Variants in PHEX observed in about 807,000 individuals in gnomAD.
PHEX encodes phosphate regulating endopeptidase X-linked.
PHEX carries 16 observed loss-of-function variants against 68.0 expected under a neutral mutation model. That is an observed-to-expected ratio of 0.24 (90% CI 0.16 to 0.36). The LOEUF (loss-of-function observed/expected upper bound fraction) is 0.36, where lower values mean the gene tolerates loss of function less well. Among genes scored for constraint, PHEX ranks in the 10% least tolerant of loss-of-function variants. The pLI, the probability that PHEX is intolerant of heterozygous loss-of-function variation, is 1.00. For synonymous variants in PHEX, 208 were observed against 205.1 expected (o/e 1.01, Z -0.12); for missense variants, 480 against 575.5 (o/e 0.83, Z 1.70).
intron 11 of PHEX, among the ~76,000 whole-genome samples, chrX:22,128,934 A>G (rs1229080849): frequency 9.1e-6 from 1 of 109,519 alleles, no homozygotes; most frequent in African/African-American, 3.3e-5. Context: ...TGCATATATA[A>G]CTATCATAAG....
intron 18 of PHEX, among the ~76,000 whole-genome samples, chrX:22,224,536 A>G (rs1434550176): frequency 9.0e-6 from 1 of 111,375 alleles, no homozygotes; most frequent in Non-Finnish European, 1.9e-5. Context: ...GGTTGATCTG[A>G]GCTGTTAGCA....
At chrX:22,034,050 T>C (rs1161615069) in intron 1 of PHEX, among the ~76,000 whole-genome samples, 1 of 112,101 alleles carries the variant, frequency 8.9e-6, no homozygotes, top group Non-Finnish European at 1.9e-5. Flanking sequence ...TGAAAACTGC[T>C]AAAATGAGCA....
intron 11 of PHEX, among the ~76,000 whole-genome samples, chrX:22,122,179 G>A (rs187231455): frequency 3.6e-5 from 4 of 111,359 alleles, no homozygotes; most frequent in African/African-American, 9.8e-5. Flanking sequence ...GGAGTTTTTC[G>A]TTCCTTGCAA....
At chrX:22,213,595 C>T (rs1602396397) in intron 16 of PHEX, among the ~76,000 whole-genome samples, 1 of 111,901 alleles carries the variant, frequency 8.9e-6, no homozygotes, top group Admixed American at 9.5e-5. Flanking sequence ...TTAATACCAA[C>T]AGATTGTAGA....
At chrX:22,194,858 A>T (rs758914976) in intron 15 of PHEX, among the ~76,000 whole-genome samples, 29 of 112,437 alleles carry the variant, frequency 2.6e-4, no homozygotes, top group Middle Eastern at 4.6e-3. Context: ...TAATGATTTA[A>T]ATCTGCTGTA....
At chrX:22,223,538 A>G (rs1352141193) in intron 18 of PHEX, among the ~76,000 whole-genome samples, 6 of 111,827 alleles carry the variant, frequency 5.4e-5, no homozygotes, top group Non-Finnish European at 1.1e-4. Context: ...TGAACCTAGG[A>G]TTTTGATACC....
chrX:22,105,817 A>G (rs1930658196), intron 9 of PHEX, among the ~76,000 whole-genome samples: 1 of 112,139 alleles, frequency 8.9e-6, no homozygotes, highest in African/African-American at 3.2e-5. Flanking sequence ...AGCTGCCACT[A>G]CAATTTGAGT....
rs747897016 is a variant in PHEX at position 22,212,074 on chromosome X, C to A, written c.1646-830C>A. ...CCCTTTCTCTGTCCTTTTCTGTCAT[C>A]GTTTTCAGTGTAGGTGTTTGGCCAA... On this transcript the variant is annotated intron_variant, in intron 15 of 21. Coordinates refer to ENST00000379374, the MANE Select transcript of PHEX (RefSeq NM_000444.6). Among the ~76,000 whole-genome samples, 37 of 111,598 alleles carry A rather than the reference C, an allele frequency of 3.3e-4. 1 individual carries two copies. Among genetic ancestry groups the A allele is most frequent in the African/African-American group, 1.2e-3 (36 of 30,707 alleles).
intron 1 of PHEX, 78 bp downstream of exon 1, chrX:22,033,201 TC>T: frequency 2.8e-6 from 2 of 711,383 alleles, no homozygotes; most frequent in South Asian, 4.2e-5. Context: ...GCAAAACTTG[TC>T]ATAACACAGG....
At chrX:22,040,404 G>T (rs1927219318) in intron 2 of PHEX, among the ~76,000 whole-genome samples, 1 of 111,947 alleles carries the variant, frequency 8.9e-6, no homozygotes, top group Non-Finnish European at 1.9e-5. Context: ...CCACATGGGA[G>T]GCTGAGGCTT....
In PHEX at chrX:22,118,339, CAA is replaced by C. The variant is rs1157170753; in HGVS notation, c.1302+3778_1302+3779del. 8.3e-3 allele frequency among the ~76,000 whole-genome samples: 175 copies of C among 21,077 alleles called. 13 individuals carry two copies. Among genetic ancestry groups the C allele is most frequent in the African/African-American group, 0.027 (157 of 5,826 alleles). The allele number at this position is 21,077 out of a possible 115,157, so 18.3% of individuals were successfully genotyped here. A position where few individuals can be genotyped will look rare whatever the true frequency, so the allele number is the denominator to read the frequency against. Reference sequence around the variant, plus strand: ...TGATTCATTTGTTTGTAAACAGCACCAAAAAAAAAAAAAAAAAAAAAAAAAAG... The same window carrying C: ...TGATTCATTTGTTTGTAAACAGCACCAAAAAAAAAAAAAAAAAAAAAAAAG... On this transcript the variant is annotated intron_variant, in intron 11 of 21. Transcript: ENST00000379374.
intron 2 of PHEX, among the ~76,000 whole-genome samples, chrX:22,041,265 C>CTATATATATATATA (rs556410356): frequency 1.4e-5 from 1 of 72,815 alleles, no homozygotes; most frequent in African/African-American, 6.3e-5. Flanking sequence ...CTCTCTCTCT[C>CTATATATATATATA]TATATATATA....
intron 15 of PHEX, 31 bp from the exon 16 acceptor site, chrX:22,212,873 T>C (rs1420609483): frequency 7.2e-6 from 8 of 1,117,959 alleles, no homozygotes; most frequent in Non-Finnish European, 8.6e-6. Context: ...TCAATCTCTC[T>C]ATATCTCTTA....
chrX:22,182,592 T>TTGTGTGTGTG (rs9331474), intron 14 of PHEX, among the ~76,000 whole-genome samples: 1,041 of 102,984 alleles, frequency 0.01, 14 homozygotes, highest in African/African-American at 0.035. Context: ...TGAAGATGCT[T>TTGTGTGTGTG]TGTGTGTGTG....
At chrX:22,145,517 A>G (rs1932655910) in intron 12 of PHEX, among the ~76,000 whole-genome samples, 2 of 110,095 alleles carry the variant, frequency 1.8e-5, no homozygotes, top group African/African-American at 6.6e-5. Context: ...TTGGGAGGCT[A>G]AGACAGGAGA....
intron 11 of PHEX, among the ~76,000 whole-genome samples, chrX:22,130,854 T>C (rs1931962685): frequency 9.1e-6 from 1 of 110,230 alleles, no homozygotes; most frequent in South Asian, 3.9e-4. Context: ...ACCCTTAATT[T>C]CCTTATCTGT....
intron 15 of PHEX, among the ~76,000 whole-genome samples, chrX:22,195,436 A>T (rs1034845499): frequency 9.1e-6 from 1 of 109,750 alleles, no homozygotes; most frequent in Non-Finnish European, 1.9e-5. Flanking sequence ...TCTACCAAAA[A>T]TATAAAAAAT....
At chrX:22,212,303 A>G (rs182596366) in intron 15 of PHEX, among the ~76,000 whole-genome samples, 1 of 111,148 alleles carries the variant, frequency 9.0e-6, no homozygotes, top group Non-Finnish European at 1.9e-5. Flanking sequence ...CTGAACTCCC[A>G]TGCACTATGG....
intron 18 of PHEX, among the ~76,000 whole-genome samples, chrX:22,225,062 G>A (rs1265536814): frequency 1.1e-4 from 1 of 9,163 alleles, no homozygotes. Context: ...CCTTTGTAGA[G>A]GTTCTAGGGG....
Sources: allele counts gnomAD v4.1 joint callset (sites outside exome capture counted in the v4.1 genomes callset), GRCh38; gene constraint gnomAD v4.1.1; transcripts MANE v1.5; gene names NCBI Gene and HGNC (gene_info 2026-07-23, HGNC 2026-07-21).